Variants in ARMC9 observed in about 807,000 individuals in gnomAD.
The protein encoded by ARMC9 is lisH domain-containing protein ARMC9.
In ARMC9, 94 loss-of-function variants were observed where a neutral mutation model predicts 107.0. The ratio of observed to expected loss-of-function variants is 0.88; its 90% CI spans 0.74 to 1.04. ARMC9 has a LOEUF of 1.04. Ranked by LOEUF, ARMC9 falls within the 50% of genes least tolerant of loss-of-function variation. The pLI is 0.00. For missense variants in ARMC9, 942 were observed against 1,030.1 expected (o/e 0.91, Z 1.17); for synonymous variants, 380 against 396.9 (o/e 0.96, Z 0.51).
chr2:231,270,261 C>T (rs2039212124), intron 12 of ARMC9, among the ~76,000 whole-genome samples: 1 of 152,196 alleles, frequency 6.6e-6, no homozygotes. Context: ...GCAAGCCTTG[C>T]TCTCCTCTGC....
chr2:231,282,786 A>G (rs999696154), intron 17 of ARMC9, among the ~76,000 whole-genome samples: 10 of 152,236 alleles, frequency 6.6e-5, no homozygotes, highest in Middle Eastern at 3.2e-3. Context: ...AATTACATCA[A>G]CAGTTACACC....
intron 10 of ARMC9, among the ~76,000 whole-genome samples, chr2:231,257,498 C>T (rs1296847181): frequency 6.6e-6 from 1 of 152,132 alleles, no homozygotes; most frequent in Non-Finnish European, 1.5e-5. Context: ...CTGAGATGCC[C>T]ACAGCCTTCC....
intron 5 of ARMC9, among the ~76,000 whole-genome samples, chr2:231,218,976 T>C (rs2125327776): frequency 6.6e-6 from 1 of 152,250 alleles, no homozygotes; most frequent in East Asian, 1.9e-4. Context: ...GGTCTCAAAC[T>C]CCTGACCTCA....
intron 1 of ARMC9, among the ~76,000 whole-genome samples, chr2:231,205,602 G>A (rs2031855755): frequency 6.6e-6 from 1 of 152,222 alleles, no homozygotes; most frequent in Admixed American, 6.5e-5. Flanking sequence ...AGTAGAAAGA[G>A]TAGGAAGAGT....
rs1310289937 is a variant in ARMC9, at chr2:231,297,724, C to T, written c.1773+1471C>T. On this transcript the variant is annotated intron_variant, in intron 19 of 24. Coordinates refer to ENST00000611582, the MANE Select transcript of ARMC9 (RefSeq NM_001352754.2). The surrounding 1 kb of genome is among the most constrained non-coding windows in gnomAD (Gnocchi z 4.2). ...TGTTTGCCAGCCCCTAGGCAGTTCC[C>T]GGACTTGGGCAGCCTTCTCTTGATT... Among the ~76,000 whole-genome samples the T allele has an allele frequency of 2.0e-5, 3 of 152,212 alleles. No individual in the cohort carries two copies.
intron 9 of ARMC9, chr2:231,256,321 T>C (rs1553606158): frequency 2.6e-6 from 4 of 1,550,070 alleles, no homozygotes; most frequent in Admixed American, 1.9e-5. Flanking sequence ...GCTTGCTCGC[T>C]GGGTCTTGGA....
rs1224766301 is a variant in ARMC9, at chr2:231,255,721, G to C, written c.880-865G>C. Among the ~76,000 whole-genome samples, 1 of 152,140 alleles carries C rather than the reference G, an allele frequency of 6.6e-6. No homozygotes were observed. Among genetic ancestry groups the C allele is most frequent in the African/African-American group, 2.4e-5 (1 of 41,424 alleles). Reference sequence around the variant, plus strand: ...TTTTACATCGTATGTGACTTTGGTTGGTGAATCCTGGTGGATTAAAACTTT... The same window carrying C: ...TTTTACATCGTATGTGACTTTGGTTCGTGAATCCTGGTGGATTAAAACTTT... On this transcript the variant is annotated intron_variant, in intron 9 of 24. Transcript: ENST00000611582. This position sits in a 1 kb window ranked among gnomAD's most constrained non-coding sequence, Gnocchi z 4.7.
Position 231,374,051 on chromosome 2 carries a change from A to G in ARMC9, c.*2516A>G, listed in dbSNP as rs1193597024. The G allele has an allele frequency of 6.6e-6, 1 of 152,218 alleles. No homozygotes were observed. Among genetic ancestry groups the G allele is most frequent in the Non-Finnish European group, 1.5e-5 (1 of 68,048 alleles). The allele number at this position is 152,218 out of a possible 1,614,324, so 9.4% of individuals were successfully genotyped here. On this transcript the variant is annotated 3_prime_UTR_variant, in exon 25 of 25. Coordinates refer to ENST00000611582, the MANE Select transcript of ARMC9 (RefSeq NM_001352754.2). The stretch of plus-strand genomic sequence containing the variant: ...CATTCCAAGGCTGACAGCTAGAAAT[A>G]TACTTTGTAAAATACCAACAACTTA...
chr2:231,236,304 A>G (rs1389554339), intron 8 of ARMC9, among the ~76,000 whole-genome samples: 2 of 152,154 alleles, frequency 1.3e-5, no homozygotes, highest in Non-Finnish European at 2.9e-5. Context: ...ACATCAAATA[A>G]TATTTGTGTT....
intron 9 of ARMC9, among the ~76,000 whole-genome samples, chr2:231,254,163 A>G (rs1283695970): frequency 1.3e-5 from 2 of 152,204 alleles, no homozygotes; most frequent in South Asian, 2.1e-4. Flanking sequence ...TAAATGTAAA[A>G]AATAAAGCTA....
chr2:231,315,597 A>G (rs1049518805), intron 19 of ARMC9, among the ~76,000 whole-genome samples: 7 of 152,332 alleles, frequency 4.6e-5, no homozygotes, highest in African/African-American at 9.6e-5. Flanking sequence ...TGGACTCTCA[A>G]TTTTGTTCAC....
chr2:231,270,597 CT>C (rs1004821969), intron 12 of ARMC9: 8 of 475,552 alleles, frequency 1.7e-5, no homozygotes, highest in Non-Finnish European at 2.6e-5. Flanking sequence ...TGGGAATTAT[CT>C]TTTTTAACAG....
At chr2:231,310,799 G>A (rs2042304434) in intron 19 of ARMC9, among the ~76,000 whole-genome samples, 1 of 151,736 alleles carries the variant, frequency 6.6e-6, no homozygotes, top group African/African-American at 2.4e-5. Context: ...AATCTTTAAG[G>A]GGAAAAGCAG....
Position 231,255,683 on chromosome 2 carries a change from A to C in ARMC9, c.880-903A>C, listed in dbSNP as rs777147831. Among the ~76,000 whole-genome samples the C allele has an allele frequency of 5.9e-5, 9 of 152,292 alleles. No individual in the cohort carries two copies. The highest frequency in any genetic ancestry group is 1.0e-4 in the Non-Finnish European group (7 of 68,014). On this transcript the variant is annotated intron_variant, in intron 9 of 24. Transcript: ENST00000611582. The surrounding 1 kb of genome is among the most constrained non-coding windows in gnomAD (Gnocchi z 4.7). Reference sequence around the variant, plus strand: ...AGCTGGATTAGTGGTGTGTAACTTTAGTTTGGGTTGATTTTTACATCGTAT... The same window carrying C: ...AGCTGGATTAGTGGTGTGTAACTTTCGTTTGGGTTGATTTTTACATCGTAT...
intron 9 of ARMC9, among the ~76,000 whole-genome samples, chr2:231,251,636 C>T (rs2037308304): frequency 6.6e-6 from 1 of 152,234 alleles, no homozygotes; most frequent in South Asian, 2.1e-4. Flanking sequence ...CTGCGTATCA[C>T]TAGCGCATAG....
intron 6 of ARMC9, among the ~76,000 whole-genome samples, chr2:231,224,078 A>G (rs191174239): frequency 6.6e-5 from 10 of 152,336 alleles, no homozygotes; most frequent in East Asian, 5.8e-4. Context: ...ATGGGTGCCA[A>G]TATGTTAAGA....
At chr2:231,254,566 C>T (rs2037586663) in intron 9 of ARMC9, among the ~76,000 whole-genome samples, 1 of 151,790 alleles carries the variant, frequency 6.6e-6, no homozygotes, top group African/African-American at 2.4e-5. Context: ...CACCCGTAAT[C>T]CCAGCTACTC....
chr2:231,323,098 A>G (rs147664151), intron 19 of ARMC9, among the ~76,000 whole-genome samples: 2,789 of 152,122 alleles, frequency 0.018, 43 homozygotes, highest in Middle Eastern at 0.034. Flanking sequence ...CTAAGGTGGG[A>G]GGAATGCTTG....
intron 19 of ARMC9, among the ~76,000 whole-genome samples, chr2:231,309,743 A>G (rs926312291): frequency 1.3e-5 from 2 of 151,904 alleles, no homozygotes; most frequent in South Asian, 2.1e-4. Flanking sequence ...AAAATCTAAG[A>G]TGTTTTTTCC....
Sources: gnomAD v4.1 joint callset for allele counts (sites outside exome capture counted in the v4.1 genomes callset) on GRCh38, gnomAD v4.1.1 for gene constraint, Gnocchi (gnomAD v3.1) non-coding constraint, MANE v1.5 for transcripts, NCBI Gene and HGNC (gene_info 2026-07-23, HGNC 2026-07-21) for gene names.